Variants in MCPH1 observed in about 807,000 individuals in gnomAD.
MCPH1 encodes microcephalin.
Under a neutral mutation model 84.5 loss-of-function variants are expected in MCPH1, and 104 were observed. The ratio of observed to expected loss-of-function variants is 1.23; its 90% CI spans 1.05 to 1.45. MCPH1 has a LOEUF of 1.45. Ranked by LOEUF, MCPH1 falls within the 40% of genes most tolerant of loss-of-function variation. MCPH1 has a pLI of 0.00. For missense variants in MCPH1, 1,498 were observed against 1,005.7 expected (o/e 1.49, Z -6.62); for synonymous variants, 514 against 366.8 (o/e 1.40, Z -4.58).
intron 4 of MCPH1, among the ~76,000 whole-genome samples, chr8:6,433,874 C>G (rs543975805): frequency 2.0e-4 from 30 of 152,168 alleles, no homozygotes; most frequent in South Asian, 6.2e-4. Context: ...CTGTCTCCCC[C>G]CTCACCCTGT....
chr8:6,480,267 G>A (rs180914703), intron 10 of MCPH1, among the ~76,000 whole-genome samples: 6 of 152,232 alleles, frequency 3.9e-5, no homozygotes, highest in African/African-American at 1.4e-4. Context: ...TGGAACAACA[G>A]GCGCGTGCCA....
chr8:6,637,825 T>G (rs1195184364), intron 13 of MCPH1, among the ~76,000 whole-genome samples: 3 of 152,104 alleles, frequency 2.0e-5, no homozygotes, highest in Non-Finnish European at 4.4e-5. Flanking sequence ...TTCAGGTGAT[T>G]AGTGATGGGG....
chr8:6,428,516 C>T (rs1463820445), intron 3 of MCPH1, among the ~76,000 whole-genome samples: 1 of 152,224 alleles, frequency 6.6e-6, no homozygotes, highest in Admixed American at 6.5e-5. Context: ...TTAGCCCTAT[C>T]CCCTATTCTC....
chr8:6,602,138 G>A (rs756683521), intron 12 of MCPH1, among the ~76,000 whole-genome samples: 2 of 152,238 alleles, frequency 1.3e-5, no homozygotes, highest in Non-Finnish European at 2.9e-5. Context: ...ACAAAGTGCA[G>A]TGAGAGCCAA....
chr8:6,444,880 G>A lies in MCPH1; in HGVS notation c.1158G>A (p.Gln386=), dbSNP rs1180626908. Residue 386 remains glutamine (Q), a synonymous_variant, in exon 8 of 14, where the codon CAG becomes CAA. Coordinates refer to ENST00000344683, the MANE Select transcript of MCPH1 (RefSeq NM_024596.5). ...STRRSIMPRL[Q]LCRSEDRLQH... is the part of the protein sequence containing the mutation. ...GGAGATCTATCATGCCGAGGCTGCA[G>A]CTGTGCAGGTCGGAAGACAGGCTGC... 6.2e-7 allele frequency: 1 copy of A among 1,614,184 alleles called. No individual in the cohort carries two copies. The highest frequency in any genetic ancestry group is 8.5e-7 in the Non-Finnish European group (1 of 1,180,014).
In MCPH1 at chr8:6,480,671, A is replaced by G. The variant is rs539739145; in HGVS notation, c.1974-43A>G. ...TGTAACTGCTTTGATGGGCATGTGCAACAAAGTCATTCATTTTGTTAATTT... is the reference window on the plus strand; with the variant it reads ...TGTAACTGCTTTGATGGGCATGTGCGACAAAGTCATTCATTTTGTTAATTT... On this transcript the variant is annotated intron_variant, in intron 10 of 13. Transcript: ENST00000344683. 208 of 1,612,720 alleles carry G rather than the reference A, an allele frequency of 1.3e-4. No individual in the cohort carries two copies. The South Asian group carries it at 2.1e-3, about 16-fold the overall frequency.
intron 12 of MCPH1, chr8:6,503,061 G>A (rs1032883568): frequency 2.5e-6 from 4 of 1,611,528 alleles, no homozygotes; most frequent in Non-Finnish European, 2.5e-6. Context: ...TTAAGTCTTT[G>A]AAAATAGTTC....
chr8:6,528,963 A>G (rs1353804833), intron 12 of MCPH1, among the ~76,000 whole-genome samples: 1 of 152,202 alleles, frequency 6.6e-6, no homozygotes, highest in African/African-American at 2.4e-5. Context: ...TGGAATATAC[A>G]TTTGGCCTAC....
chr8:6,602,302 A>T (rs1829435462), intron 12 of MCPH1, among the ~76,000 whole-genome samples: 1 of 152,194 alleles, frequency 6.6e-6, no homozygotes, highest in Non-Finnish European at 1.5e-5. Flanking sequence ...CAGGAGAGGG[A>T]CCGTCCTTGC....
intron 12 of MCPH1, among the ~76,000 whole-genome samples, chr8:6,604,565 C>A (rs974129395): frequency 6.6e-6 from 1 of 152,246 alleles, no homozygotes; most frequent in Non-Finnish European, 1.5e-5. Context: ...AGTGCAGTGG[C>A]GCAAACTCGG....
intron 9 of MCPH1, among the ~76,000 whole-genome samples, chr8:6,456,405 C>T (rs1585877781): frequency 1.3e-5 from 2 of 152,172 alleles, no homozygotes; most frequent in African/African-American, 4.8e-5. Context: ...TTGTGTTTTG[C>T]GTCCCAGTTT....
At chr8:6,517,749 CAGAA>C (rs746884106) in intron 12 of MCPH1, among the ~76,000 whole-genome samples, 21 of 152,256 alleles carry the variant, frequency 1.4e-4, no homozygotes, top group Non-Finnish European at 2.4e-4. Context: ...ACTGAGCTCT[CAGAA>C]AGGTTAAATG....
chr8:6,610,624 C>A (rs1260579587), intron 12 of MCPH1, among the ~76,000 whole-genome samples: 1 of 152,076 alleles, frequency 6.6e-6, no homozygotes, highest in Non-Finnish European at 1.5e-5. Flanking sequence ...TTTCTTTTCC[C>A]CCATGATGAA....
intron 12 of MCPH1, among the ~76,000 whole-genome samples, chr8:6,593,081 GTT>G (rs377256909): frequency 2.5e-5 from 3 of 121,730 alleles, no homozygotes; most frequent in Non-Finnish European, 3.3e-5. Flanking sequence ...TTAGGGTGTG[GTT>G]TTTTTTTTTT....
At chr8:6,570,782 A>G (rs1826586646) in intron 12 of MCPH1, among the ~76,000 whole-genome samples, 1 of 147,440 alleles carries the variant, frequency 6.8e-6, no homozygotes, top group Non-Finnish European at 1.5e-5. Flanking sequence ...TGTGAATGAC[A>G]TTTGGAGCAG....
intron 8 of MCPH1, chr8:6,447,189 A>G: frequency 1.0e-6 from 1 of 985,428 alleles, no homozygotes; most frequent in Non-Finnish European, 1.2e-6. Flanking sequence ...ATAAAGATTC[A>G]TCAATGTTTT....
At chr8:6,625,630 G>C (rs535420744) in intron 13 of MCPH1, 26 of 985,210 alleles carry the variant, frequency 2.6e-5, no homozygotes, top group Non-Finnish European at 3.1e-5. Context: ...TAGGGTCCCT[G>C]AGCGTCTTAG....
At chr8:6,419,803 A>G (rs1799904570) in intron 3 of MCPH1, among the ~76,000 whole-genome samples, 1 of 152,028 alleles carries the variant, frequency 6.6e-6, no homozygotes, top group Non-Finnish European at 1.5e-5. Context: ...CCAGCTGATA[A>G]TATTTGATTC....
intron 10 of MCPH1, 45 bp downstream of exon 10, chr8:6,477,676 T>A (rs767575442): frequency 1.7e-5 from 26 of 1,542,966 alleles, no homozygotes; most frequent in Non-Finnish European, 2.3e-5. Flanking sequence ...ATGTTAACCT[T>A]TTCTCTCTTA....
Sources: gnomAD v4.1 joint callset for allele counts (sites outside exome capture counted in the v4.1 genomes callset) on GRCh38, gnomAD v4.1.1 for gene constraint, MANE v1.5 for transcripts, NCBI Gene and HGNC (gene_info 2026-07-23, HGNC 2026-07-21) for gene names.